EYS: variants seen among roughly 807,000 people sequenced by gnomAD.
The protein encoded by EYS is protein eyes shut homolog.
A neutral mutation model predicts 282.1 loss-of-function variants in EYS; 250 were observed. The ratio of observed to expected loss-of-function variants is 0.89; its 90% CI spans 0.80 to 0.98. The LOEUF is 0.98. EYS is among the 50% of genes least tolerant of loss of function. The probability of loss-of-function intolerance (pLI) is 0.00; values close to 1 mark genes in which losing one functional copy is unlikely to be tolerated. For missense variants in EYS, 4,016 were observed against 3,709.0 expected (o/e 1.08, Z -2.15); for synonymous variants, 1,355 against 1,282.9 (o/e 1.06, Z -1.20).
At chr6:65,502,840 C>A (rs926628701) in intron 2 of EYS, among the ~76,000 whole-genome samples, 5 of 151,578 alleles carry the variant, frequency 3.3e-5, no homozygotes, top group African/African-American at 1.2e-4. Context: ...GAAGTAAAAT[C>A]TTCTTTAAGA....
chr6:64,493,921 T>C (rs1410508602), intron 26 of EYS, among the ~76,000 whole-genome samples: 1 of 151,470 alleles, frequency 6.6e-6, no homozygotes, highest in Non-Finnish European at 1.5e-5. Context: ...ATGGGTCCCA[T>C]ACTTGGGACC....
At chr6:65,480,269 T>C (rs1339390204) in intron 5 of EYS, among the ~76,000 whole-genome samples, 1 of 152,150 alleles carries the variant, frequency 6.6e-6, no homozygotes, top group Non-Finnish European at 1.5e-5. Context: ...CCAGGACATA[T>C]ACAGTTTTTC....
chr6:63,756,112 A>G (rs1312998218), intron 41 of EYS, among the ~76,000 whole-genome samples: 2 of 152,026 alleles, frequency 1.3e-5, no homozygotes, highest in Non-Finnish European at 2.9e-5. Context: ...CTAATTGAAT[A>G]CCTTTATTTC....
chr6:63,863,386 G>C (rs554142512), intron 36 of EYS, among the ~76,000 whole-genome samples: 24 of 152,154 alleles, frequency 1.6e-4, no homozygotes, highest in African/African-American at 5.3e-4. Flanking sequence ...CCTAAAGAGA[G>C]ACGCATGTCT....
At chr6:64,209,846 G>T (rs1765708916) in intron 31 of EYS, among the ~76,000 whole-genome samples, 1 of 152,018 alleles carries the variant, frequency 6.6e-6, no homozygotes, top group South Asian at 2.1e-4. Flanking sequence ...TTTTTTAATG[G>T]AAAGTCCAGT....
At chr6:64,082,126 T>C in intron 31 of EYS, 124 bp from the exon 32 acceptor site, 1 of 617,758 alleles carries the variant, frequency 1.6e-6, no homozygotes, top group Non-Finnish European at 2.7e-6. Flanking sequence ...AAATGTTAGG[T>C]CCAATTTTAA....
At chr6:64,179,015 C>T (rs572235159) in intron 31 of EYS, among the ~76,000 whole-genome samples, 1 of 151,974 alleles carries the variant, frequency 6.6e-6, no homozygotes, top group African/African-American at 2.4e-5. Flanking sequence ...AATTACTAGA[C>T]ATCTCCTTGG....
At chr6:65,001,796 A>G (rs1771475318) in intron 13 of EYS, among the ~76,000 whole-genome samples, 1 of 147,546 alleles carries the variant, frequency 6.8e-6, no homozygotes, top group African/African-American at 2.4e-5. Flanking sequence ...AACATTCTAC[A>G]TGTGTGATAT....
intron 30 of EYS, among the ~76,000 whole-genome samples, chr6:64,305,389 A>C (rs1769402195): frequency 6.6e-6 from 1 of 152,220 alleles, no homozygotes. Context: ...TAATCCACTT[A>C]AAATTCCTGT....
At chr6:65,574,625 T>C (rs1322293027) in intron 2 of EYS, among the ~76,000 whole-genome samples, 1 of 152,140 alleles carries the variant, frequency 6.6e-6, no homozygotes, top group Non-Finnish European at 1.5e-5. Context: ...TAAGTAATAG[T>C]AATATATCTG....
chr6:64,079,190 A>C (rs932854247), intron 32 of EYS, among the ~76,000 whole-genome samples: 1 of 152,072 alleles, frequency 6.6e-6, no homozygotes, highest in African/African-American at 2.4e-5. Flanking sequence ...ATAAAAAACA[A>C]GTTTTTCTTT....
rs1774920938 is a variant in EYS, at chr6:64,440,904, T to C, written c.5645-1552A>G. The stretch of plus-strand genomic sequence containing the variant: ...AACTATGGATGAATTTCACTCATCA[T>C]GACATGTCTGAACAGAATATATTTG... On this transcript the variant is annotated intron_variant, in intron 26 of 42. Transcript: ENST00000503581. 2.6e-5 allele frequency among the ~76,000 whole-genome samples: 4 copies of C among 152,292 alleles called. No homozygotes were observed. In the South Asian group the frequency reaches 8.3e-4, roughly 32 times the overall value.
chr6:64,451,254 T>C (rs961873694), intron 26 of EYS, among the ~76,000 whole-genome samples: 2 of 151,936 alleles, frequency 1.3e-5, no homozygotes, highest in African/African-American at 4.8e-5. Flanking sequence ...AACTAGAAAA[T>C]CTAGAAGAAA....
chr6:64,255,216 G>A (rs898322662), intron 30 of EYS, among the ~76,000 whole-genome samples: 1 of 151,994 alleles, frequency 6.6e-6, no homozygotes, highest in Non-Finnish European at 1.5e-5. Flanking sequence ...AGTAACAGGT[G>A]TGAAAGTTCA....
intron 1 of EYS, among the ~76,000 whole-genome samples, chr6:65,675,471 T>A (rs1768551088): frequency 6.6e-6 from 1 of 151,920 alleles, no homozygotes; most frequent in African/African-American, 2.4e-5. Flanking sequence ...GAGGTAGCCA[T>A]ATTTGTATCA....
At chr6:63,919,402 G>GAA (rs112737739) in intron 35 of EYS, among the ~76,000 whole-genome samples, 5 of 105,732 alleles carry the variant, frequency 4.7e-5, no homozygotes, top group South Asian at 3.0e-4. Context: ...AGATTTTACT[G>GAA]AAAAAAAAAA....
chr6:63,840,299 C>G (rs1276171036), intron 36 of EYS, among the ~76,000 whole-genome samples: 1 of 151,232 alleles, frequency 6.6e-6, no homozygotes, highest in African/African-American at 2.4e-5. Flanking sequence ...CTCTTGACCT[C>G]GTGATTCACC....
intron 2 of EYS, among the ~76,000 whole-genome samples, chr6:65,517,596 C>T (rs1185808836): frequency 6.6e-6 from 1 of 151,878 alleles, no homozygotes; most frequent in African/African-American, 2.4e-5. Context: ...TCATTTTGGG[C>T]TTTTTATCAA....
At chr6:64,447,112 G>A (rs1206506582) in intron 26 of EYS, among the ~76,000 whole-genome samples, 2 of 151,972 alleles carry the variant, frequency 1.3e-5, no homozygotes, top group African/African-American at 4.8e-5. Flanking sequence ...TGTTTATTAA[G>A]AAACCTGTAT....
Sources: gnomAD v4.1 joint callset for allele counts (sites outside exome capture counted in the v4.1 genomes callset) on GRCh38, gnomAD v4.1.1 for gene constraint, MANE v1.5 for transcripts, NCBI Gene and HGNC (gene_info 2026-07-23, HGNC 2026-07-21) for gene names.